The following ACSBG1 variants were observed in gnomAD, a reference collection of about 807,000 sequenced individuals.
ACSBG1 encodes long-chain-fatty-acid--CoA ligase ACSBG1.
A neutral mutation model predicts 80.2 loss-of-function variants in ACSBG1; 39 were observed. The observed-to-expected ratio is 0.49, with a 90% confidence interval of 0.38 to 0.64. The LOEUF (loss-of-function observed/expected upper bound fraction) is 0.64. Ranked by LOEUF, ACSBG1 falls within the 30% of genes least tolerant of loss-of-function variation. The pLI, the probability that ACSBG1 is intolerant of heterozygous loss-of-function variation, is 0.00. For synonymous variants in ACSBG1, 392 were observed against 379.5 expected (o/e 1.03, Z -0.38); for missense variants, 828 against 966.4 (o/e 0.86, Z 1.90).
intron 1 of ACSBG1, among the ~76,000 whole-genome samples, chr15:78,234,069 A>C (rs2075472396): frequency 2.6e-5 from 4 of 152,174 alleles, no homozygotes; most frequent in Admixed American, 2.6e-4. Context: ...AGACAGGGAA[A>C]CATTCTTGAC....
intron 1 of ACSBG1, among the ~76,000 whole-genome samples, chr15:78,225,322 A>G (rs1241822458): frequency 6.6e-6 from 1 of 151,844 alleles, no homozygotes. Context: ...AATTGCTTGA[A>G]CCTGGGAGGC....
intron 11 of ACSBG1, among the ~76,000 whole-genome samples, chr15:78,176,074 T>G (rs1595879108): frequency 3.0e-5 from 1 of 33,526 alleles, no homozygotes; most frequent in South Asian, 1.1e-3. Flanking sequence ...GATTTAATAA[T>G]TTTTTTTTAA....
chr15:78,208,051 G>C lies in ACSBG1; in HGVS notation c.183C>G (p.Leu61=). Residue 61 remains leucine (L), a synonymous_variant, in exon 2 of 14, where the codon CTC becomes CTG. Coordinates refer to ENST00000258873, the MANE Select transcript of ACSBG1 (RefSeq NM_015162.5). ...PLSKESLNHA[L]ELSVPEKVNN... ...TCACCTTCTCTGGCACTGAGAGCTC[G>C]AGAGCATGGTTCAGGGACTCTTTGG... 19 of 1,614,010 alleles carry C rather than the reference G, an allele frequency of 1.2e-5. No homozygotes were observed. Among genetic ancestry groups the C allele is most frequent in the Non-Finnish European group, 1.5e-5 (18 of 1,179,996 alleles).
chr15:78,175,822 G>C (rs2074876317), intron 11 of ACSBG1, among the ~76,000 whole-genome samples: 1 of 152,144 alleles, frequency 6.6e-6, no homozygotes, highest in Non-Finnish European at 1.5e-5. Context: ...GTCAGGTGAA[G>C]AGGAGAAGAC....
At chr15:78,225,798 C>T (rs1256223057) in intron 1 of ACSBG1, among the ~76,000 whole-genome samples, 1 of 152,136 alleles carries the variant, frequency 6.6e-6, no homozygotes, top group Non-Finnish European at 1.5e-5. Context: ...CACTATCTCA[C>T]AATTTCTATG....
chr15:78,200,437 G>C (rs1205561794), intron 2 of ACSBG1, among the ~76,000 whole-genome samples: 1 of 152,150 alleles, frequency 6.6e-6, no homozygotes, highest in African/African-American at 2.4e-5. Context: ...GGAGATTCTG[G>C]TGGGAAGGAG....
At chr15:78,173,974 G>T in intron 12 of ACSBG1, 135 bp from the exon 13 acceptor site, 1 of 1,083,678 alleles carries the variant, frequency 9.2e-7, no homozygotes. Context: ...GTTCTAGAAT[G>T]AGTAGCTGCT....
rs367755677 is a variant in ACSBG1 at position 78,194,694 on chromosome 15, G to A, written c.265C>T (p.Arg89Trp). 28 of 1,613,284 alleles carry A rather than the reference G, an allele frequency of 1.7e-5. No individual in the cohort carries two copies. The highest frequency in any genetic ancestry group is 1.7e-4 in the Middle Eastern group (1 of 5,722). The change falls in exon 3 of 14, where the codon CGG becomes TGG. Residue 89 changes from arginine to tryptophan, a missense_variant. Coordinates refer to ENST00000258873, the MANE Select transcript of ACSBG1 (RefSeq NM_015162.5). ...CTGGGGTCTATGCGCAGGCGCACCC[G>A]CCCATCGGCCCGAGTCGTCCACAGC... is the stretch of plus-strand genomic sequence containing the variant. ...EALWTTRADG[R>W]VRLRIDPSCP...
chr15:78,181,046 CCA>C, intron 8 of ACSBG1, 110 bp from the exon 9 acceptor site: 1 of 1,267,852 alleles, frequency 7.9e-7, no homozygotes, highest in Non-Finnish European at 1.1e-6. Context: ...CAACGGGCAC[CCA>C]CACACACCTG....
chr15:78,228,912 T>G (rs951290703), intron 1 of ACSBG1, among the ~76,000 whole-genome samples: 1 of 152,224 alleles, frequency 6.6e-6, no homozygotes, highest in Non-Finnish European at 1.5e-5. Flanking sequence ...CAGGAGAGCC[T>G]GCACCAACCC....
chr15:78,215,743 A>AAAGAAAGAAAGAAAG (rs2075304459), intron 1 of ACSBG1, among the ~76,000 whole-genome samples: 1 of 101,398 alleles, frequency 9.9e-6, no homozygotes, highest in Non-Finnish European at 2.1e-5. Context: ...AGAAAGAAAG[A>AAAGAAAGAAAGAAAG]AAGAAAGAAA....
intron 8 of ACSBG1, among the ~76,000 whole-genome samples, chr15:78,181,411 C>G (rs1318752192): frequency 1.3e-5 from 2 of 151,102 alleles, no homozygotes; most frequent in Non-Finnish European, 3.0e-5. Flanking sequence ...TGGTGATACT[C>G]TGAGGATGCC....
intron 1 of ACSBG1, among the ~76,000 whole-genome samples, chr15:78,232,608 T>C (rs2075455517): frequency 6.6e-6 from 1 of 152,106 alleles, no homozygotes; most frequent in Non-Finnish European, 1.5e-5. Flanking sequence ...ACCTTGATTT[T>C]GTTTTCAAAG....
At chr15:78,196,209 G>A (rs1476216357) in intron 2 of ACSBG1, among the ~76,000 whole-genome samples, 9 of 152,224 alleles carry the variant, frequency 5.9e-5, no homozygotes, top group East Asian at 1.9e-4. Context: ...AGGTAGTGGC[G>A]TGAGTCAAGG....
At chr15:78,203,651 C>T (rs756610998) in intron 2 of ACSBG1, among the ~76,000 whole-genome samples, 8 of 152,180 alleles carry the variant, frequency 5.3e-5, no homozygotes, top group African/African-American at 1.2e-4. Flanking sequence ...GGAATAAAGG[C>T]GTCTAAAGAG....
At chr15:78,217,348 A>G (rs1343371227) in intron 1 of ACSBG1, among the ~76,000 whole-genome samples, 2 of 152,188 alleles carry the variant, frequency 1.3e-5, no homozygotes, top group African/African-American at 2.4e-5. Context: ...GGAAATTGAC[A>G]AGGTCCTTTG....
intron 1 of ACSBG1, among the ~76,000 whole-genome samples, chr15:78,213,045 C>T (rs749229260): frequency 2.6e-5 from 4 of 152,130 alleles, no homozygotes; most frequent in Non-Finnish European, 1.5e-5. Flanking sequence ...CTCTGCTCAG[C>T]GGGCAAAGCA....
chr15:78,224,005 G>A (rs1449519563), intron 1 of ACSBG1, among the ~76,000 whole-genome samples: 4 of 152,204 alleles, frequency 2.6e-5, no homozygotes, highest in Non-Finnish European at 4.4e-5. Flanking sequence ...TGGAGGAAGA[G>A]CAGTCCTCCT....
At position 78,180,840 on chromosome 15, in the gene ACSBG1, C is replaced by T. The variant is rs1266561183; in HGVS notation, c.1168G>A (p.Ala390Thr). ...EKIMERIQEV[A>T]AQSGFIRRKM... is the part of the protein sequence containing the mutation. ...CGCCGGATGAAGCCAGACTGAGCCG[C>T]CACCTCCTGGATGCGCTCCATGATC... is the stretch of plus-strand genomic sequence containing the variant. Residue 390 changes from alanine to threonine, a missense_variant, in exon 9 of 14, where the codon GCG becomes ACG. By Grantham distance (58) the Ala-to-Thr change is moderately conservative. Around this residue, in one of 3 missense-constraint regions of ACSBG1, gnomAD observed 271 missense variants for 375.9 expected, o/e 0.72. Coordinates refer to ENST00000258873, the MANE Select transcript of ACSBG1 (RefSeq NM_015162.5). 53 of 1,614,134 alleles carry T rather than the reference C, an allele frequency of 3.3e-5. No homozygotes were observed. Among genetic ancestry groups the T allele is most frequent in the Non-Finnish European group, 4.3e-5 (51 of 1,180,054 alleles).
Sources: allele counts gnomAD v4.1 joint callset (sites outside exome capture counted in the v4.1 genomes callset), GRCh38; gene constraint gnomAD v4.1.1; regional missense constraint gnomAD v4.1.1; transcripts MANE v1.5; gene names NCBI Gene and HGNC (gene_info 2026-07-23, HGNC 2026-07-21).